ANKMY1: variants seen among roughly 807,000 people sequenced by gnomAD.
ANKMY1 encodes the protein ankyrin repeat and MYND domain containing 1.
A neutral mutation model predicts 102.0 loss-of-function variants in ANKMY1; 98 were observed. That is an observed-to-expected ratio of 0.96 (90% CI 0.82 to 1.14). The LOEUF (loss-of-function observed/expected upper bound fraction) is 1.14. Among genes scored for constraint, ANKMY1 ranks in the 50% most tolerant of loss-of-function variants. The probability of loss-of-function intolerance (pLI) is 0.00; values close to 1 mark genes in which losing one functional copy is unlikely to be tolerated. For synonymous variants in ANKMY1, 582 were observed against 559.9 expected (o/e 1.04, Z -0.56); for missense variants, 1,330 against 1,347.6 (o/e 0.99, Z 0.20).
intron 4 of ANKMY1, among the ~76,000 whole-genome samples, chr2:240,551,909 G>T (rs1575363288): frequency 6.6e-6 from 1 of 152,126 alleles, no homozygotes; most frequent in African/African-American, 2.4e-5. Flanking sequence ...TCTTCCTCAG[G>T]AAAGACCTTC....
At chr2:240,560,652 C>T, upstream of ANKMY1, 1 of 1,476,316 alleles carries the variant, frequency 6.8e-7, no homozygotes, top group Admixed American at 2.6e-5. Flanking sequence ...AATAGATCCT[C>T]AGGGCCCAAA....
intron 15 of ANKMY1, among the ~76,000 whole-genome samples, chr2:240,496,629 G>C (rs563435243): frequency 6.6e-6 from 1 of 152,156 alleles, no homozygotes. Flanking sequence ...AGCTTCTGAG[G>C]TTCCTTCTCA....
In ANKMY1 at chr2:240,499,980, C is replaced by T. The variant is rs753627603; in HGVS notation, c.2784G>A (p.Thr928=). ...CACCTCTCTTGCACAGGTACAGCCA[C>T]GTGGGGTCCCACTGGCTCTCCTTGG... The part of the protein sequence containing the change: ...VFAKESQWDP[T]WLYLCKRAEL... The change falls in exon 15 of 18, where the codon ACG becomes ACA. Residue 928 remains threonine, a synonymous_variant. Transcript: ENST00000401804. This position sits in a 1 kb window ranked among gnomAD's most constrained non-coding sequence, Gnocchi z 4.2. 52 of 1,612,692 alleles carry T rather than the reference C, an allele frequency of 3.2e-5. No individual in the cohort carries two copies. Among genetic ancestry groups the T allele is most frequent in the African/African-American group, 4.0e-5 (3 of 74,920 alleles).
chr2:240,529,114 A>C lies in ANKMY1; in HGVS notation c.876T>G (p.Val292=), dbSNP rs2084621724. 6.2e-7 allele frequency: 1 copy of C among 1,614,182 alleles called. No individual in the cohort carries two copies. Among genetic ancestry groups the C allele is most frequent in the Non-Finnish European group, 8.5e-7 (1 of 1,180,022 alleles). Residue 292 remains valine, a synonymous_variant, in exon 5 of 18, where the codon GTT becomes GTG. Transcript: ENST00000401804. The surrounding 1 kb of genome is among the most constrained non-coding windows in gnomAD (Gnocchi z 4.2). Reference sequence around the variant, plus strand: ...TTATGAACCATGGTTCTCCATCCTCAACGAACGGAGGAATTTCATTGAGGA... The same window carrying C: ...TTATGAACCATGGTTCTCCATCCTCCACGAACGGAGGAATTTCATTGAGGA... ...RIFLNEIPPF[V]EDGEPWFIIN...
upstream of ANKMY1, chr2:240,558,166 C>A (rs10173382): frequency 1.8e-5 from 3 of 167,980 alleles, no homozygotes; most frequent in Non-Finnish European, 3.6e-5. Context: ...CCCGCTTACC[C>A]GGTCAGCCCC....
intron 4 of ANKMY1, among the ~76,000 whole-genome samples, chr2:240,537,787 C>T (rs773753114): frequency 2.6e-5 from 4 of 152,238 alleles, no homozygotes; most frequent in African/African-American, 4.8e-5. Flanking sequence ...TAAACCACAA[C>T]AAGTGGAGGT....
chr2:240,511,734 T>C, intron 11 of ANKMY1, 127 bp downstream of exon 11: 4 of 1,273,438 alleles, frequency 3.1e-6, no homozygotes, highest in Non-Finnish European at 4.2e-6. Flanking sequence ...CTCCCCATCC[T>C]TCCAAGCTCC....
chr2:240,521,079 A>G (rs1473451634), intron 8 of ANKMY1, among the ~76,000 whole-genome samples: 1 of 151,948 alleles, frequency 6.6e-6, no homozygotes, highest in Non-Finnish European at 1.5e-5. Context: ...TTGGGCCTCA[A>G]GAGAGGCTGG....
intron 13 of ANKMY1, among the ~76,000 whole-genome samples, chr2:240,504,948 C>G (rs1167151591): frequency 6.6e-6 from 1 of 152,178 alleles, no homozygotes; most frequent in African/African-American, 2.4e-5. Context: ...GATCACATCA[C>G]TGCACTCCTG....
At chr2:240,528,317 A>G (rs906851223) in intron 5 of ANKMY1, among the ~76,000 whole-genome samples, 2 of 129,846 alleles carry the variant, frequency 1.5e-5, no homozygotes, top group African/African-American at 5.8e-5. Flanking sequence ...AAAATTAAAC[A>G]CTTCTCCTTA....
chr2:240,550,735 A>G (rs932209985), intron 4 of ANKMY1, among the ~76,000 whole-genome samples: 2 of 152,172 alleles, frequency 1.3e-5, no homozygotes, highest in African/African-American at 4.8e-5. Flanking sequence ...TCCAGGATTT[A>G]TGACATTCTT....
chr2:240,521,696 C>T (rs1288277458), intron 8 of ANKMY1, among the ~76,000 whole-genome samples: 4 of 151,982 alleles, frequency 2.6e-5, no homozygotes, highest in Admixed American at 2.0e-4. Flanking sequence ...GACGGGGTTT[C>T]ACCGTGTTAG....
intron 5 of ANKMY1, among the ~76,000 whole-genome samples, chr2:240,528,655 A>G (rs2084470745): frequency 1.3e-5 from 2 of 152,000 alleles, no homozygotes; most frequent in Admixed American, 1.3e-4. Flanking sequence ...ACTCACCATT[A>G]GCTCCACGGG....
chr2:240,512,704 A>G (rs1051435668), intron 10 of ANKMY1, 98 bp downstream of exon 10: 30 of 1,427,490 alleles, frequency 2.1e-5, no homozygotes, highest in Admixed American at 1.5e-4. Flanking sequence ...CAGGAGGCCC[A>G]TCATGCTCGG....
chr2:240,535,718 C>T (rs1559352064), intron 4 of ANKMY1, among the ~76,000 whole-genome samples: 1 of 152,132 alleles, frequency 6.6e-6, no homozygotes, highest in Non-Finnish European at 1.5e-5. Context: ...TAGGACATGA[C>T]TCCCTAGACC....
At chr2:240,558,051 G>A, upstream of ANKMY1, 2 of 906,810 alleles carry the variant, frequency 2.2e-6, no homozygotes, top group Non-Finnish European at 2.6e-6. Flanking sequence ...CTCCGGCTCC[G>A]CCAATCCCCC....
At chr2:240,510,632 C>T (rs997997341) in intron 11 of ANKMY1, among the ~76,000 whole-genome samples, 1 of 152,176 alleles carries the variant, frequency 6.6e-6, no homozygotes, top group Non-Finnish European at 1.5e-5. Flanking sequence ...TCCCCTTTCC[C>T]GCAGTCTTGC....
At chr2:240,540,560 C>T (rs553481359) in intron 4 of ANKMY1, among the ~76,000 whole-genome samples, 5 of 152,132 alleles carry the variant, frequency 3.3e-5, no homozygotes, top group Non-Finnish European at 7.3e-5. Flanking sequence ...GCTTCCTTAC[C>T]CCTCCTGAGT....
chr2:240,499,792 C>T lies in ANKMY1; in HGVS notation c.2806+166G>A, dbSNP rs554548664. Among the ~76,000 whole-genome samples the T allele has an allele frequency of 9.9e-5, 15 of 152,244 alleles. No homozygotes were observed. The South Asian group carries it at 1.2e-3, about 13-fold the overall frequency. On this transcript the variant is annotated intron_variant, in intron 15 of 17. Coordinates refer to ENST00000401804, the MANE Select transcript of ANKMY1 (RefSeq NM_001282771.3). The surrounding 1 kb of genome is among the most constrained non-coding windows in gnomAD (Gnocchi z 4.2). Reference sequence around the variant, plus strand: ...ACCCCACTTCTCAGTCTCTCCTGGACGAGCTCCTTGGACGACGGGACACAA... The same window carrying T: ...ACCCCACTTCTCAGTCTCTCCTGGATGAGCTCCTTGGACGACGGGACACAA...
Sources: gnomAD v4.1 joint callset for allele counts (sites outside exome capture counted in the v4.1 genomes callset) on GRCh38, gnomAD v4.1.1 for gene constraint, Gnocchi (gnomAD v3.1) non-coding constraint, MANE v1.5 for transcripts, NCBI Gene and HGNC (gene_info 2026-07-23, HGNC 2026-07-21) for gene names.